Variants in ARMH3 observed in about 807,000 individuals in gnomAD.
ARMH3 encodes armadillo like helical domain containing 3, also known as armadillo-like helical domain-containing protein 3.
Under a neutral mutation model 99.1 loss-of-function variants are expected in ARMH3, and 60 were observed. The observed-to-expected ratio is 0.61, with a 90% CI of 0.49 to 0.75. The LOEUF (loss-of-function observed/expected upper bound fraction) is 0.75. ARMH3 is among the 30% of genes least tolerant of loss of function. ARMH3 has a pLI of 0.00. For missense variants in ARMH3, 679 were observed against 843.1 expected (o/e 0.81, Z 2.41); for synonymous variants, 285 against 292.8 (o/e 0.97, Z 0.27).
At position 101,856,830 on chromosome 10, in the gene ARMH3, TC is replaced by T. The variant is rs541384129; in HGVS notation, c.1861-6939del. 1.9e-4 allele frequency among the ~76,000 whole-genome samples: 29 copies of T among 152,220 alleles called. No homozygotes were observed. In the South Asian group the frequency reaches 4.8e-3, roughly 25 times the overall value. ...CAAACAAGAGCATCACCAGGCCAAG[TC>T]CAGACACTGCCCTTGCTTCTCCTTC... is the stretch of plus-strand genomic sequence containing the variant. On this transcript the variant is annotated intron_variant, in intron 24 of 25. Transcript: ENST00000370033.
chr10:102,000,589 T>C (rs2066333399), intron 15 of ARMH3, among the ~76,000 whole-genome samples: 1 of 112,408 alleles, frequency 8.9e-6, no homozygotes, highest in Non-Finnish European at 1.9e-5. Context: ...CGAAACCCCG[T>C]ATCTACAAAA....
intron 24 of ARMH3, among the ~76,000 whole-genome samples, chr10:101,887,840 T>C (rs2067590111): frequency 6.6e-6 from 1 of 152,088 alleles, no homozygotes; most frequent in African/African-American, 2.4e-5. Flanking sequence ...CTGCGCACTC[T>C]TTTTGAGAGG....
chr10:102,004,795 C>A (rs1360586533), intron 14 of ARMH3, among the ~76,000 whole-genome samples: 1 of 152,156 alleles, frequency 6.6e-6, no homozygotes, highest in African/African-American at 2.4e-5. Context: ...TGGGGCTGGG[C>A]ATGGTGGCTC....
intron 24 of ARMH3, among the ~76,000 whole-genome samples, chr10:101,884,263 A>T (rs2067488365): frequency 6.6e-6 from 1 of 152,198 alleles, no homozygotes; most frequent in African/African-American, 2.4e-5. Flanking sequence ...GCTGGTATGC[A>T]TTCTAAATCT....
At chr10:101,889,341 T>A in intron 24 of ARMH3, 71 bp downstream of exon 24, 1 of 1,404,472 alleles carries the variant, frequency 7.1e-7, no homozygotes, top group African/African-American at 1.4e-5. Flanking sequence ...AGAATCCCCC[T>A]GCCATCAGAG....
At chr10:101,944,273 TAGAGAGAGAGAGAG>T (rs55633048) in intron 22 of ARMH3, among the ~76,000 whole-genome samples, 344 of 25,360 alleles carry the variant, frequency 0.014, 4 homozygotes, top group African/African-American at 0.052. Context: ...TATATATATA[TAGAGAGAGAGAGAG>T]AGAGAGAGAG....
chr10:102,012,951 C>A, intron 9 of ARMH3, 75 bp from the exon 10 acceptor site: 1 of 1,316,498 alleles, frequency 7.6e-7, no homozygotes, highest in Non-Finnish European at 1.1e-6. Flanking sequence ...AGAACAAGGT[C>A]AGAAAGAACA....
chr10:102,006,809 C>T (rs2066501672), intron 13 of ARMH3, among the ~76,000 whole-genome samples, 176 bp from the exon 14 acceptor site: 1 of 151,936 alleles, frequency 6.6e-6, no homozygotes, highest in South Asian at 2.1e-4. Context: ...CACTCTCCTG[C>T]CTCAGCCTCC....
intron 19 of ARMH3, among the ~76,000 whole-genome samples, chr10:101,978,580 T>A (rs1207575919): frequency 6.6e-6 from 1 of 151,968 alleles, no homozygotes; most frequent in Non-Finnish European, 1.5e-5. Flanking sequence ...GGAGGATCAC[T>A]TGAAGCCAGA....
intron 24 of ARMH3, among the ~76,000 whole-genome samples, chr10:101,878,915 C>T (rs2067338258): frequency 6.6e-6 from 1 of 152,076 alleles, no homozygotes; most frequent in Admixed American, 6.5e-5. Context: ...TTCTGAGACA[C>T]TTGATTGGAA....
rs563208169 is a variant in ARMH3, at chr10:101,889,315, A to G, written c.1860+97T>C. The G allele has an allele frequency of 5.1e-4, 643 of 1,250,498 alleles. 11 individuals carry two copies. In the South Asian group the frequency reaches 7.4e-3, roughly 14 times the overall value. The allele number at this position is 1,250,498 out of a possible 1,614,324, so 77.5% of individuals were successfully genotyped here. On this transcript the variant is annotated intron_variant, in intron 24 of 25. Coordinates refer to ENST00000370033, the MANE Select transcript of ARMH3 (RefSeq NM_024541.3). ...CAGCAGCCTGGCCCTGGTCACTACC[A>G]CAAAAGCTCAGTCACAGAATCCCCC... is the stretch of plus-strand genomic sequence containing the variant.
intron 8 of ARMH3, among the ~76,000 whole-genome samples, chr10:102,020,388 C>T (rs1590193495): frequency 2.0e-5 from 3 of 151,374 alleles, no homozygotes; most frequent in South Asian, 4.2e-4. Flanking sequence ...AAAAATTAGC[C>T]GAGCACGGCC....
chr10:102,027,278 C>CAAA (rs1228063848), intron 5 of ARMH3, among the ~76,000 whole-genome samples: 2 of 56,482 alleles, frequency 3.5e-5, no homozygotes, highest in African/African-American at 5.9e-5. Context: ...GATTCCGTCT[C>CAAA]AAAAAAAAAA....
In ARMH3 at chr10:102,023,346, C is replaced by A. The variant is rs1047351812; in HGVS notation, c.669+131G>T. 8.6e-6 allele frequency: 7 copies of A among 812,750 alleles called. No individual in the cohort carries two copies. The African/African-American group carries it at 8.6e-5, about 10-fold the overall frequency. The allele number at this position is 812,750 out of a possible 1,614,324, so 50.3% of individuals were successfully genotyped here. On this transcript the variant is annotated intron_variant, in intron 8 of 25. Transcript: ENST00000370033. The stretch of plus-strand genomic sequence containing the variant: ...GCATTTAATATAGGATTTTTAGAAT[C>A]TGGATTATCAAAATTAATCAATATA...
At chr10:102,023,630 GAAGAGGTGGTTTACCCCA>G in intron 7 of ARMH3, 27 bp downstream of exon 7, 1 of 1,610,124 alleles carries the variant, frequency 6.2e-7, no homozygotes, top group Non-Finnish European at 8.5e-7. Flanking sequence ...GAGAAAATTT[GAAGAGGTGGTTTACCCCA>G]AAGAGAGGAG....
intron 16 of ARMH3, among the ~76,000 whole-genome samples, chr10:101,993,813 C>A (rs1846925429): frequency 6.6e-6 from 1 of 152,136 alleles, no homozygotes; most frequent in Non-Finnish European, 1.5e-5. Flanking sequence ...TCTAACTGGT[C>A]AAAAATTTCC....
chr10:101,955,290 A>G (rs1214144616), intron 22 of ARMH3, among the ~76,000 whole-genome samples: 1 of 152,228 alleles, frequency 6.6e-6, no homozygotes, highest in Non-Finnish European at 1.5e-5. Flanking sequence ...AGATATTTTA[A>G]AAACCTGGGT....
intron 22 of ARMH3, among the ~76,000 whole-genome samples, chr10:101,952,892 TG>T (rs1844854526): frequency 6.6e-6 from 1 of 152,250 alleles, no homozygotes; most frequent in African/African-American, 2.4e-5. Flanking sequence ...TTAACTACTT[TG>T]GATACCTCAT....
At chr10:101,945,060 C>G (rs1255915906) in intron 22 of ARMH3, among the ~76,000 whole-genome samples, 1 of 152,046 alleles carries the variant, frequency 6.6e-6, no homozygotes, top group Non-Finnish European at 1.5e-5. Context: ...AAACTCTAGA[C>G]AAAACATGAA....
Sources: allele counts gnomAD v4.1 joint callset (sites outside exome capture counted in the v4.1 genomes callset), GRCh38; gene constraint gnomAD v4.1.1; transcripts MANE v1.5; gene names NCBI Gene and HGNC (gene_info 2026-07-23, HGNC 2026-07-21).